LRP1B: variants seen among roughly 807,000 people sequenced by gnomAD.
LRP1B encodes the protein low-density lipoprotein receptor-related protein 1B.
In LRP1B, 217 loss-of-function variants were observed where a neutral mutation model predicts 556.6. The observed-to-expected ratio is 0.39, with a 90% CI of 0.35 to 0.44. The LOEUF (loss-of-function observed/expected upper bound fraction) is 0.44. Ranked by LOEUF, LRP1B falls within the 20% of genes least tolerant of loss-of-function variation. LRP1B has a pLI of 1.00. For synonymous variants in LRP1B, 2,047 were observed against 1,865.8 expected, an observed-to-expected ratio of 1.10 and a Z score of -2.50; for missense variants, 5,053 against 5,620.8, an observed-to-expected ratio of 0.90 and a Z score of 3.23.
At chr2:142,117,398 C>T (rs952456222) in intron 1 of LRP1B, among the ~76,000 whole-genome samples, 1 of 152,062 alleles carries the variant, frequency 6.6e-6, no homozygotes, top group African/African-American at 2.4e-5. Flanking sequence ...ATGGCCCAGT[C>T]GAAATATCTA....
At chr2:141,687,366 T>G (rs531562083) in intron 2 of LRP1B, among the ~76,000 whole-genome samples, 1 of 151,962 alleles carries the variant, frequency 6.6e-6, no homozygotes, top group Non-Finnish European at 1.5e-5. Flanking sequence ...GTGAGACGAG[T>G]AAGCCAAATA....
At chr2:141,087,615 ATCAT>A (rs986537921) in intron 7 of LRP1B, among the ~76,000 whole-genome samples, 1 of 152,170 alleles carries the variant, frequency 6.6e-6, no homozygotes, top group African/African-American at 2.4e-5. Context: ...GTATTAAGAG[ATCAT>A]TCATTCAAAC....
intron 2 of LRP1B, among the ~76,000 whole-genome samples, chr2:141,665,149 C>T (rs572315630): frequency 2.1e-4 from 32 of 152,208 alleles, no homozygotes; most frequent in African/African-American, 7.7e-4. Context: ...AACTGGCTAG[C>T]CACATGCAGA....
chr2:140,486,403 CCCA>C (rs1688474966), intron 58 of LRP1B, among the ~76,000 whole-genome samples: 1 of 151,776 alleles, frequency 6.6e-6, no homozygotes, highest in Admixed American at 6.6e-5. Flanking sequence ...TTTTCTTTTA[CCCA>C]CCACATTTCA....
intron 1 of LRP1B, among the ~76,000 whole-genome samples, chr2:141,817,185 C>A (rs1236790851): frequency 3.3e-5 from 5 of 152,112 alleles, no homozygotes; most frequent in Admixed American, 2.0e-4. Flanking sequence ...CTGAGATAGT[C>A]AGATTAATCT....
intron 1 of LRP1B, among the ~76,000 whole-genome samples, chr2:141,992,750 T>C (rs571167340): frequency 6.6e-6 from 1 of 152,246 alleles, no homozygotes; most frequent in Non-Finnish European, 1.5e-5. Context: ...TCTGGCATGA[T>C]ATTTTAGCTA....
At chr2:140,244,713 C>T (rs1024835754) in intron 87 of LRP1B, among the ~76,000 whole-genome samples, 2 of 151,166 alleles carry the variant, frequency 1.3e-5, no homozygotes, top group African/African-American at 4.8e-5. Context: ...TTATGAAGGC[C>T]ATGTACAAAT....
At chr2:140,938,007 T>C (rs1695280080) in intron 20 of LRP1B, among the ~76,000 whole-genome samples, 1 of 151,546 alleles carries the variant, frequency 6.6e-6, no homozygotes, top group Admixed American at 6.6e-5. Context: ...CCCCGAGAAA[T>C]GTCCTTATGG....
At chr2:140,874,175 G>T (rs1693230452) in intron 25 of LRP1B, among the ~76,000 whole-genome samples, 1 of 152,068 alleles carries the variant, frequency 6.6e-6, no homozygotes, top group African/African-American at 2.4e-5. Flanking sequence ...AACTATAATG[G>T]TCTTTCTATA....
chr2:140,417,232 TGGCTAACCACATTACTA>T (rs1162846155), intron 66 of LRP1B, among the ~76,000 whole-genome samples: 2 of 152,238 alleles, frequency 1.3e-5, no homozygotes, highest in Non-Finnish European at 2.9e-5. Context: ...TCATTCTTAG[TGGCTAACCACATTACTA>T]AAGCTAAGAA....
At chr2:141,118,753 G>T (rs1700968915) in intron 7 of LRP1B, among the ~76,000 whole-genome samples, 1 of 151,568 alleles carries the variant, frequency 6.6e-6, no homozygotes, top group African/African-American at 2.4e-5. Context: ...TAAGAGATGA[G>T]GTATCTAAGC....
At chr2:141,895,063 A>AAAG (rs1574471615) in intron 1 of LRP1B, among the ~76,000 whole-genome samples, 1 of 149,506 alleles carries the variant, frequency 6.7e-6, no homozygotes, top group Non-Finnish European at 1.5e-5. Flanking sequence ...AAAAAAAAAA[A>AAAG]AAAGAAAAGA....
chr2:141,658,943 G>C (rs1253229924), intron 2 of LRP1B, among the ~76,000 whole-genome samples: 1 of 152,088 alleles, frequency 6.6e-6, no homozygotes, highest in Non-Finnish European at 1.5e-5. Flanking sequence ...TCGCTCTGTT[G>C]CTCAGGCTGG....
At chr2:141,176,124 A>T (rs1483716967) in intron 7 of LRP1B, among the ~76,000 whole-genome samples, 2 of 152,088 alleles carry the variant, frequency 1.3e-5, no homozygotes, top group Non-Finnish European at 2.9e-5. Flanking sequence ...TTATAAGCAG[A>T]AGGGACTTTC....
chr2:141,239,859 T>C (rs1044458598), intron 5 of LRP1B, among the ~76,000 whole-genome samples: 2 of 152,030 alleles, frequency 1.3e-5, no homozygotes, highest in African/African-American at 4.8e-5. Flanking sequence ...TTCACTGTTG[T>C]CTGACAAGGA....
At chr2:141,280,049 C>T (rs916170885) in intron 3 of LRP1B, among the ~76,000 whole-genome samples, 4 of 151,922 alleles carry the variant, frequency 2.6e-5, no homozygotes, top group African/African-American at 9.7e-5. Context: ...AAGTTGAATC[C>T]CTTTAAGTAA....
chr2:141,458,936 A>C (rs1381268452), intron 3 of LRP1B, among the ~76,000 whole-genome samples: 2 of 152,174 alleles, frequency 1.3e-5, no homozygotes, highest in African/African-American at 2.4e-5. Context: ...TATGCACAGT[A>C]ATATGTAGAA....
At chr2:141,159,952 T>G (rs1679926532) in intron 7 of LRP1B, among the ~76,000 whole-genome samples, 1 of 151,594 alleles carries the variant, frequency 6.6e-6, no homozygotes, top group African/African-American at 2.4e-5. Context: ...TGAGAACACA[T>G]GGACACAGAG....
chr2:141,362,469 G>C (rs577186346), intron 3 of LRP1B, among the ~76,000 whole-genome samples: 1 of 152,306 alleles, frequency 6.6e-6, no homozygotes, highest in South Asian at 2.1e-4. Flanking sequence ...CAGAAGAAAG[G>C]AAACTCCGTG....
Sources: gnomAD v4.1 joint callset for allele counts (sites outside exome capture counted in the v4.1 genomes callset) on GRCh38, gnomAD v4.1.1 for gene constraint, MANE v1.5 for transcripts, NCBI Gene and HGNC (gene_info 2026-07-23, HGNC 2026-07-21) for gene names.